Variants in BRINP3 observed in about 807,000 individuals in gnomAD.
The protein encoded by BRINP3 is BMP/retinoic acid-inducible neural-specific protein 3.
A neutral mutation model predicts 71.0 loss-of-function variants in BRINP3; 19 were observed. The ratio of observed to expected loss-of-function variants is 0.27; its 90% confidence interval spans 0.19 to 0.39. The LOEUF (loss-of-function observed/expected upper bound fraction) is 0.39, where lower values mean the gene tolerates loss of function less well. BRINP3 is among the 10% of genes least tolerant of loss of function. BRINP3 has a pLI of 1.00. For synonymous variants in BRINP3, 380 were observed against 337.7 expected (o/e 1.13, Z -1.37); for missense variants, 959 against 940.8 (o/e 1.02, Z -0.25).
At chr1:190,370,889 AAATAATTTTAATTT>A (rs1381730576) in intron 2 of BRINP3, among the ~76,000 whole-genome samples, 1 of 152,178 alleles carries the variant, frequency 6.6e-6, no homozygotes, top group African/African-American at 2.4e-5. Context: ...TATTTTAATT[AAATAATTTTAATTT>A]AATAATTTTA....
At chr1:190,216,003 G>GT (rs1373330431) in intron 6 of BRINP3, among the ~76,000 whole-genome samples, 2 of 145,938 alleles carry the variant, frequency 1.4e-5, no homozygotes, top group African/African-American at 5.0e-5. Context: ...AAGTAATGAA[G>GT]TTTTTTATTT....
chr1:190,227,976 G>T (rs1463806652), intron 5 of BRINP3, among the ~76,000 whole-genome samples: 1 of 151,754 alleles, frequency 6.6e-6, no homozygotes, highest in Non-Finnish European at 1.5e-5. Flanking sequence ...TATTAGAGTT[G>T]ACTAATTTTT....
At chr1:190,438,684 C>T (rs965930906) in intron 2 of BRINP3, among the ~76,000 whole-genome samples, 1 of 151,760 alleles carries the variant, frequency 6.6e-6, no homozygotes, top group Non-Finnish European at 1.5e-5. Flanking sequence ...TAGTGAATGG[C>T]ATGTTAGTTT....
intron 2 of BRINP3, among the ~76,000 whole-genome samples, chr1:190,303,331 G>A (rs1664866054): frequency 6.6e-6 from 1 of 151,560 alleles, no homozygotes; most frequent in African/African-American, 2.4e-5. Context: ...GATAGGGATG[G>A]GGTGACTATG....
intron 5 of BRINP3, among the ~76,000 whole-genome samples, chr1:190,230,057 G>A (rs1467121104): frequency 6.6e-6 from 1 of 151,892 alleles, no homozygotes; most frequent in Non-Finnish European, 1.5e-5. Context: ...AGCTTTAACA[G>A]CAGCATAGAC....
At chr1:190,108,308 C>T in intron 7 of BRINP3, among the ~76,000 whole-genome samples, 1 of 151,780 alleles carries the variant, frequency 6.6e-6, no homozygotes, top group Non-Finnish European at 1.5e-5. Flanking sequence ...ACGGCCCTTA[C>T]AAATGTTACC....
intron 2 of BRINP3, among the ~76,000 whole-genome samples, chr1:190,331,792 T>C (rs1467049978): frequency 6.6e-6 from 1 of 152,002 alleles, no homozygotes; most frequent in Non-Finnish European, 1.5e-5. Context: ...GAATCATTAA[T>C]TGTGGCATCT....
intron 2 of BRINP3, among the ~76,000 whole-genome samples, chr1:190,313,023 T>C (rs1384816683): frequency 6.6e-6 from 1 of 151,902 alleles, no homozygotes; most frequent in Non-Finnish European, 1.5e-5. Flanking sequence ...CACTGCACAA[T>C]AAGTTTTAAT....
At chr1:190,385,333 T>C (rs1278216707) in intron 2 of BRINP3, among the ~76,000 whole-genome samples, 1 of 152,152 alleles carries the variant, frequency 6.6e-6, no homozygotes, top group Non-Finnish European at 1.5e-5. Flanking sequence ...CCTACTCATC[T>C]GACAAAGGGC....
intron 2 of BRINP3, among the ~76,000 whole-genome samples, chr1:190,451,199 T>G (rs1246422075): frequency 6.6e-6 from 1 of 151,868 alleles, no homozygotes; most frequent in African/African-American, 2.4e-5. Flanking sequence ...AAAAAAAAAT[T>G]TTTGTTTTGA....
chr1:190,419,065 G>A (rs1198696229), intron 2 of BRINP3, among the ~76,000 whole-genome samples: 1 of 151,988 alleles, frequency 6.6e-6, no homozygotes. Flanking sequence ...TTTATAAGCT[G>A]GAGGTCATTT....
chr1:190,284,392 A>G (rs1338356384), intron 2 of BRINP3, among the ~76,000 whole-genome samples: 1 of 152,068 alleles, frequency 6.6e-6, no homozygotes, highest in Non-Finnish European at 1.5e-5. Flanking sequence ...AGATGAACAT[A>G]AGAAAATCTA....
chr1:190,344,914 C>T (rs1242694207), intron 2 of BRINP3, among the ~76,000 whole-genome samples: 3 of 151,728 alleles, frequency 2.0e-5, no homozygotes, highest in East Asian at 1.9e-4. Flanking sequence ...GATGAACACT[C>T]GCTTAAAGCA....
At chr1:190,209,445 A>G (rs1024897701) in intron 6 of BRINP3, among the ~76,000 whole-genome samples, 1 of 152,120 alleles carries the variant, frequency 6.6e-6, no homozygotes, top group Non-Finnish European at 1.5e-5. Flanking sequence ...GCCTTCCTCT[A>G]GACAGTGATA....
intron 2 of BRINP3, among the ~76,000 whole-genome samples, chr1:190,299,460 T>C (rs1220552446): frequency 6.6e-6 from 1 of 151,724 alleles, no homozygotes; most frequent in Non-Finnish European, 1.5e-5. Context: ...TACTTTAAGT[T>C]TTAGGGTACA....
chr1:190,101,931 TG>T (rs1378112846), intron 7 of BRINP3, among the ~76,000 whole-genome samples: 1 of 152,192 alleles, frequency 6.6e-6, no homozygotes, highest in Non-Finnish European at 1.5e-5. Context: ...AAATACATTA[TG>T]GAAGGAAAGC....
In BRINP3 at chr1:190,416,527, A is replaced by T. The variant is rs562182877; in HGVS notation, c.236+38128T>A. Among the ~76,000 whole-genome samples the T allele has an allele frequency of 3.3e-5, 5 of 152,306 alleles. No homozygotes were observed. The East Asian group carries it at 5.8e-4, about 18-fold the overall frequency. On this transcript the variant is annotated intron_variant, in intron 2 of 7. Coordinates refer to ENST00000367462, the MANE Select transcript of BRINP3 (RefSeq NM_199051.3). ...ACTACACTTCAAAAACAGAAATAGA[A>T]CATAGACTCATTAGCATAGCATGAA... is the stretch of plus-strand genomic sequence containing the variant.
intron 7 of BRINP3, among the ~76,000 whole-genome samples, chr1:190,147,987 C>A (rs923298546): frequency 2.0e-5 from 3 of 152,176 alleles, no homozygotes; most frequent in Non-Finnish European, 2.9e-5. Context: ...CACACTTTTT[C>A]TCTTCCTTTG....
chr1:190,179,690 T>C (rs931163590), intron 6 of BRINP3, among the ~76,000 whole-genome samples: 1 of 152,156 alleles, frequency 6.6e-6, no homozygotes, highest in Non-Finnish European at 1.5e-5. Flanking sequence ...TTGCTTTGCA[T>C]ATAAAGTGAA....
Sources: allele counts gnomAD v4.1 joint callset (sites outside exome capture counted in the v4.1 genomes callset), GRCh38; gene constraint gnomAD v4.1.1; transcripts MANE v1.5; gene names NCBI Gene and HGNC (gene_info 2026-07-23, HGNC 2026-07-21).